The following PRR16 variants were observed in gnomAD, a reference collection of about 807,000 sequenced individuals.
PRR16 encodes protein Largen.
In PRR16, 6 loss-of-function variants were observed where a neutral mutation model predicts 18.2. The ratio of observed to expected loss-of-function variants is 0.33; its 90% confidence interval spans 0.18 to 0.65. The LOEUF (loss-of-function observed/expected upper bound fraction) is 0.65. PRR16 is among the 30% of genes least tolerant of loss of function. The pLI is 0.74. For missense variants in PRR16, 412 were observed against 376.6 expected, an observed-to-expected ratio of 1.09 and a Z score of -0.78; for synonymous variants, 151 against 147.8, an observed-to-expected ratio of 1.02 and a Z score of -0.16.
Position 120,614,271 on chromosome 5 carries a change from G to A in PRR16, c.160-71683G>A, listed in dbSNP as rs368181184. 1.4e-3 allele frequency among the ~76,000 whole-genome samples: 219 copies of A among 152,250 alleles called. 1 individual carries two copies. Among genetic ancestry groups the A allele is most frequent in the African/African-American group, 5.2e-3 (216 of 41,552 alleles). ...ACTCAAGTTATGTTCTCATACTGTGGGCTTTTTTGTATCTTCTTATTGGAA... is the reference window on the plus strand; with the variant it reads ...ACTCAAGTTATGTTCTCATACTGTGAGCTTTTTTGTATCTTCTTATTGGAA... On this transcript the variant is annotated intron_variant, in intron 1 of 1. Transcript: ENST00000407149.
chr5:120,742,801 G>C, the PRR16 span, among the ~76,000 whole-genome samples: 1 of 152,158 alleles, frequency 6.6e-6, no homozygotes, highest in African/African-American at 2.4e-5. Context: ...TAAAGTCAAG[G>C]TGTCAGCAGG....
chr5:120,624,632 A>T (rs1313454130), intron 1 of PRR16, among the ~76,000 whole-genome samples: 2 of 152,108 alleles, frequency 1.3e-5, no homozygotes, highest in African/African-American at 4.8e-5. Context: ...ATAAATAGAT[A>T]CTAATTCATA....
intron 1 of PRR16, among the ~76,000 whole-genome samples, chr5:120,622,025 G>A (rs1032684870): frequency 2.4e-4 from 37 of 152,016 alleles, no homozygotes; most frequent in Admixed American, 1.4e-3. Context: ...AGCATTAGCC[G>A]TTCATGTGCA....
chr5:120,769,259 G>A, the PRR16 span, among the ~76,000 whole-genome samples: 1 of 151,638 alleles, frequency 6.6e-6, no homozygotes, highest in Non-Finnish European at 1.5e-5. Context: ...GGTAAATGTG[G>A]ACATATGCAA....
intron 1 of PRR16, among the ~76,000 whole-genome samples, chr5:120,549,736 G>T (rs947111383): frequency 1.3e-5 from 2 of 151,758 alleles, no homozygotes; most frequent in Non-Finnish European, 2.9e-5. Context: ...GTACATATTT[G>T]TTTTACCTTG....
intron 1 of PRR16, among the ~76,000 whole-genome samples, chr5:120,683,188 T>C (rs1399417558): frequency 6.6e-6 from 1 of 152,112 alleles, no homozygotes; most frequent in African/African-American, 2.4e-5. Flanking sequence ...TAAAAATCAA[T>C]CATATTTTTT....
chr5:120,586,084 A>G (rs1753431524), intron 1 of PRR16, among the ~76,000 whole-genome samples: 1 of 151,954 alleles, frequency 6.6e-6, no homozygotes. Flanking sequence ...GAGACAGGAG[A>G]ATCATGTGAA....
At chr5:120,504,111 T>C (rs947879636) in intron 1 of PRR16, among the ~76,000 whole-genome samples, 3 of 151,904 alleles carry the variant, frequency 2.0e-5, no homozygotes, top group African/African-American at 7.3e-5. Context: ...GCCATGCTGG[T>C]GTGCTGCACC....
chr5:120,651,325 T>G (rs1225779547), intron 1 of PRR16, among the ~76,000 whole-genome samples: 2 of 152,196 alleles, frequency 1.3e-5, no homozygotes, highest in East Asian at 3.9e-4. Flanking sequence ...AGAAGCTCTT[T>G]AGTTTAATTT....
chr5:120,679,144 A>G (rs374836583), intron 1 of PRR16, among the ~76,000 whole-genome samples: 1 of 152,136 alleles, frequency 6.6e-6, no homozygotes, highest in Admixed American at 6.5e-5. Flanking sequence ...AACATCTGCC[A>G]TTATCCTTGT....
chr5:120,570,418 A>G lies in PRR16; in HGVS notation c.159+105773A>G, dbSNP rs572142356. ...AAGACAACCGCCAAATGCCCTGCAC[A>G]GGTTGATATGTTGGGCCAGATGTAT... is the stretch of plus-strand genomic sequence containing the variant. On this transcript the variant is annotated intron_variant, in intron 1 of 1. Coordinates refer to ENST00000407149, the MANE Select transcript of PRR16 (RefSeq NM_001300783.2). Among the ~76,000 whole-genome samples the G allele has an allele frequency of 1.1e-4, 16 of 152,310 alleles. No homozygotes were observed. In the South Asian group the frequency reaches 3.3e-3, roughly 32 times the overall value.
chr5:120,487,138 C>T (rs1274578095), intron 1 of PRR16, among the ~76,000 whole-genome samples: 4 of 149,572 alleles, frequency 2.7e-5, no homozygotes, highest in South Asian at 2.1e-4. Context: ...GTGCTCTTTT[C>T]TCGTTCCATA....
At chr5:120,693,260 T>G in the PRR16 span, among the ~76,000 whole-genome samples, 5 of 152,136 alleles carry the variant, frequency 3.3e-5, no homozygotes, top group African/African-American at 1.2e-4. Context: ...GGTTTGAGAT[T>G]TGGTTTAAAA....
At chr5:120,700,940 G>A in the PRR16 span, among the ~76,000 whole-genome samples, 16,172 of 152,220 alleles carry the variant, frequency 0.11, 1,071 homozygotes, top group Non-Finnish European at 0.14. Flanking sequence ...TGGCTGCCAG[G>A]TGAGTTGAAC....
intron 1 of PRR16, among the ~76,000 whole-genome samples, chr5:120,473,752 T>C (rs1749348344): frequency 6.6e-6 from 1 of 152,082 alleles, no homozygotes; most frequent in Non-Finnish European, 1.5e-5. Context: ...GTTTACATAG[T>C]GGATGGGGAG....
the PRR16 span, among the ~76,000 whole-genome samples, chr5:120,793,386 C>T: frequency 6.6e-6 from 1 of 151,982 alleles, no homozygotes; most frequent in African/African-American, 2.4e-5. Context: ...GGAGATATCA[C>T]ATGTCCAGTG....
intron 1 of PRR16, among the ~76,000 whole-genome samples, chr5:120,665,393 C>G (rs959785736): frequency 7.9e-5 from 12 of 151,856 alleles, no homozygotes; most frequent in African/African-American, 9.7e-5. Context: ...AAAATTTTCT[C>G]CCATTCTGTA....
chr5:120,610,910 G>A (rs1173557297), intron 1 of PRR16, among the ~76,000 whole-genome samples: 1 of 152,150 alleles, frequency 6.6e-6, no homozygotes, highest in Non-Finnish European at 1.5e-5. Flanking sequence ...GAAGAAGACA[G>A]GAAAATGTGG....
At chr5:120,754,559 T>A in the PRR16 span, among the ~76,000 whole-genome samples, 12 of 59,392 alleles carry the variant, frequency 2.0e-4, no homozygotes, top group African/African-American at 6.2e-4. Flanking sequence ...ATAATATATA[T>A]TATATAATAT....
Sources: allele counts gnomAD v4.1 joint callset (sites outside exome capture counted in the v4.1 genomes callset), GRCh38; gene constraint gnomAD v4.1.1; transcripts MANE v1.5; gene names NCBI Gene and HGNC (gene_info 2026-07-23, HGNC 2026-07-21).